Variants in TREML1 observed in about 807,000 individuals in gnomAD.
TREML1 encodes triggering receptor expressed on myeloid cells like 1.
TREML1 carries 27 observed loss-of-function variants against 22.8 expected under a neutral mutation model. The ratio of observed to expected loss-of-function variants is 1.19; its 90% CI spans 0.87 to 1.64. The LOEUF (loss-of-function observed/expected upper bound fraction) is 1.64. TREML1 is among the 40% of genes most tolerant of loss of function. The pLI, the probability that TREML1 is intolerant of heterozygous loss-of-function variation, is 0.00. For synonymous variants in TREML1, 153 were observed against 161.9 expected, an observed-to-expected ratio of 0.94 and a Z score of 0.42; for missense variants, 356 against 382.0, an observed-to-expected ratio of 0.93 and a Z score of 0.57.
Position 41,154,029 on chromosome 6 carries a change from C to T in TREML1, c.105G>A (p.Leu35=). 2 of 1,614,142 alleles carry T rather than the reference C, an allele frequency of 1.2e-6. No homozygotes were observed. The highest frequency in any genetic ancestry group is 1.7e-6 in the Non-Finnish European group (2 of 1,180,032). The change falls in exon 2 of 6, where the codon CTG becomes CTA. Residue 35 remains leucine, a synonymous_variant. Transcript: ENST00000426005. ...VLQAPVGSSI[L]VQCHYRLQDV... is the part of the protein sequence containing the mutation. ...CCTGGAGCCTGTAGTGGCACTGCAC[C>T]AGAATGGAGCTTCCCACGGGTGCCT...
chr6:41,153,634 G>T, intron 2 of TREML1, 124 bp downstream of exon 2: 1 of 942,932 alleles, frequency 1.1e-6, no homozygotes, highest in Non-Finnish European at 1.6e-6. Context: ...GCTGTCAAGA[G>T]GATATCTCCT....
At chr6:41,152,515 C>G (rs2113868931) in intron 2 of TREML1, among the ~76,000 whole-genome samples, 1 of 152,210 alleles carries the variant, frequency 6.6e-6, no homozygotes, top group East Asian at 1.9e-4. Flanking sequence ...ACAATAACCA[C>G]AGGCTTGAGA....
upstream of TREML1, among the ~76,000 whole-genome samples, chr6:41,155,112 G>A (rs911276653): frequency 4.0e-5 from 6 of 151,580 alleles, no homozygotes; most frequent in Admixed American, 3.3e-4. Context: ...TAATTTACAA[G>A]ACAAGATATT....
chr6:41,149,789 C>G lies in TREML1; in HGVS notation c.751G>C (p.Asp251His), dbSNP rs779009254. The G allele has an allele frequency of 1.2e-6, 2 of 1,614,076 alleles. No homozygotes were observed. Among genetic ancestry groups the G allele is most frequent in the East Asian group, 4.5e-5 (2 of 44,874 alleles). The part of the protein sequence containing the change: ...DNTTYTSLPL[D>H]SPSGKPSLPA... ...AGTGAAGGTTTTCCTGATGGGGAAT[C>G]AAGAGGTAGGCTGGTGTAGGTGGTA... Residue 251 changes from aspartate (D) to histidine (H), a missense_variant, in exon 6 of 6, where the codon GAT (aspartate) becomes CAT (histidine). Coordinates refer to ENST00000426005, the MANE Select transcript of TREML1 (RefSeq NM_178174.4).
Position 41,150,888 on chromosome 6 carries a change from C to T in TREML1, c.499G>A (p.Ala167Thr). The change falls in exon 4 of 6, where the codon GCT becomes ACT. Residue 167 changes from alanine to threonine, a missense_variant. By Grantham distance (58) the Ala-to-Thr change is moderately conservative. Transcript: ENST00000426005. The stretch of plus-strand genomic sequence containing the variant: ...ACCAGCAGACCTACCAGGAGCACAG[C>T]ACCCCAGATCAAGGGGATGCTGAGG... ...DEKSIPLIWGAVLLVGLLVAA... is the reference protein window; with the variant it reads ...DEKSIPLIWGTVLLVGLLVAA... 6.2e-7 allele frequency: 1 copy of T among 1,614,144 alleles called. No homozygotes were observed. The highest frequency in any genetic ancestry group is 8.5e-7 in the Non-Finnish European group (1 of 1,179,988).
intron 2 of TREML1, chr6:41,151,654 T>C: frequency 2.1e-6 from 1 of 472,492 alleles, no homozygotes; most frequent in Non-Finnish European, 3.9e-6. Context: ...CCCATCTTCC[T>C]GCTGCATTTC....
In TREML1 at chr6:41,149,637, C is replaced by G. The variant is rs944315573; in HGVS notation, c.903G>C (p.Gln301His). The G allele has an allele frequency of 1.2e-6, 2 of 1,613,632 alleles. No homozygotes were observed. Among genetic ancestry groups the G allele is most frequent in the African/African-American group, 2.7e-5 (2 of 75,022 alleles). The change falls in exon 6 of 6, where the codon CAG becomes CAC. Residue 301 changes from glutamine to histidine, a missense_variant. By Grantham distance (24) the Gln-to-His change is conservative. Transcript: ENST00000426005. The part of the protein sequence containing the change: ...KGGGTSCGPA[Q>H]NPPNNQTPSS ...ATGGAGTCTGATTGTTAGGTGGATT[C>G]TGGGCTGGCCCACACGAGGTCCCTC...
At chr6:41,152,701 C>T (rs556983491) in intron 2 of TREML1, among the ~76,000 whole-genome samples, 59 of 152,020 alleles carry the variant, frequency 3.9e-4, no homozygotes, top group Admixed American at 9.2e-4. Context: ...GATAAAACCC[C>T]GTCTCTACTA....
Position 41,150,299 on chromosome 6 carries a change from C to T in TREML1, c.583G>A (p.Val195Ile), listed in dbSNP as rs1176502457. The change falls in exon 5 of 6, where the codon GTC becomes ATC. Residue 195 changes from valine to isoleucine, a missense_variant. Coordinates refer to ENST00000426005, the MANE Select transcript of TREML1 (RefSeq NM_178174.4). ...AKRKQGNRLG[V>I]CGRFLSSRVS... is the part of the protein sequence containing the mutation. ...CTGCTGCTCAGGAATCGGCCACAGA[C>T]ACCAAGCCTGTTCCCTGGCAGGACA... 2 of 1,613,906 alleles carry T rather than the reference C, an allele frequency of 1.2e-6. No homozygotes were observed. Among genetic ancestry groups the T allele is most frequent in the African/African-American group, 1.3e-5 (1 of 74,922 alleles).
At chr6:41,151,465 G>T in intron 2 of TREML1, 81 bp from the exon 3 acceptor site, 1 of 1,311,252 alleles carries the variant, frequency 7.6e-7, no homozygotes, top group Non-Finnish European at 1.1e-6. Context: ...TCCTGTTGAG[G>T]TCTGAGGGAC....
At chr6:41,150,367 C>T in intron 4 of TREML1, 54 bp from the exon 5 acceptor site, 1 of 1,566,844 alleles carries the variant, frequency 6.4e-7, no homozygotes, top group South Asian at 1.1e-5. Context: ...GCTCAGAGCC[C>T]TTCCCTCACT....
At chr6:41,154,395 G>GGAAATGA (rs1320720400), upstream of TREML1, 2 of 904,270 alleles carry the variant, frequency 2.2e-6, no homozygotes, top group Non-Finnish European at 3.5e-6. Flanking sequence ...GTGGGAGAAA[G>GGAAATGA]GAAATGATGG....
At chr6:41,153,358 C>T (rs1266369199) in intron 2 of TREML1, among the ~76,000 whole-genome samples, 1 of 150,142 alleles carries the variant, frequency 6.7e-6, no homozygotes, top group African/African-American at 2.5e-5. Flanking sequence ...CCATCAAGCC[C>T]GCTATTACAG....
chr6:41,150,406 T>C, intron 4 of TREML1, 93 bp from the exon 5 acceptor site: 1 of 1,222,878 alleles, frequency 8.2e-7, no homozygotes, highest in Non-Finnish European at 1.2e-6. Flanking sequence ...CTGAAACCTC[T>C]TCACTACTGC....
At chr6:41,150,964 G>T in intron 3 of TREML1, 57 bp from the exon 4 acceptor site, 3 of 1,476,292 alleles carry the variant, frequency 2.0e-6, no homozygotes, top group Admixed American at 3.4e-5. Context: ...GGAGCTGCTG[G>T]CCAGGAGCCC....
At chr6:41,150,448 C>G in intron 4 of TREML1, 135 bp from the exon 5 acceptor site, 1 of 781,666 alleles carries the variant, frequency 1.3e-6, no homozygotes, top group Admixed American at 2.6e-5. Flanking sequence ...ACCACCAAAC[C>G]TTTACCCCTT....
intron 3 of TREML1, 80 bp from the exon 4 acceptor site, chr6:41,150,987 A>G: frequency 8.2e-7 from 1 of 1,225,068 alleles, no homozygotes; most frequent in Non-Finnish European, 1.2e-6. Context: ...GAGCAGTGAC[A>G]GAAGGGTTAC....
Position 41,153,809 on chromosome 6 carries a change from C to A in TREML1, c.325G>T (p.Ala109Ser). The A allele has an allele frequency of 6.2e-7, 1 of 1,613,950 alleles. No homozygotes were observed. The highest frequency in any genetic ancestry group is 1.1e-5 in the South Asian group (1 of 91,058). ...CTGTGCAAAATCTGGGGCCCCCTGG[C>A]CCCATCCACCATGCAGCCATACTCG... is the stretch of plus-strand genomic sequence containing the variant. ...AGEYGCMVDGARGPQILHRVS... is the reference protein window; with the variant it reads ...AGEYGCMVDGSRGPQILHRVS... The change falls in exon 2 of 6, where the codon GCC becomes TCC. Residue 109 changes from alanine (A) to serine (S), a missense_variant. Transcript: ENST00000426005.
chr6:41,152,860 G>A (rs566044415), intron 2 of TREML1, among the ~76,000 whole-genome samples: 29 of 152,006 alleles, frequency 1.9e-4, no homozygotes, highest in Admixed American at 5.2e-4. Flanking sequence ...AACAGAGTGA[G>A]ACCCTGTCTC....
Sources: allele counts gnomAD v4.1 joint callset (sites outside exome capture counted in the v4.1 genomes callset), GRCh38; gene constraint gnomAD v4.1.1; transcripts MANE v1.5; gene names NCBI Gene and HGNC (gene_info 2026-07-23, HGNC 2026-07-21).